The following FRMD4B variants were observed in gnomAD, a reference collection of about 807,000 sequenced individuals.
FRMD4B encodes FERM domain containing 4B.
A neutral mutation model predicts 141.5 loss-of-function variants in FRMD4B; 74 were observed. That is an observed-to-expected ratio of 0.52 (90% CI 0.43 to 0.63). The LOEUF (loss-of-function observed/expected upper bound fraction) is 0.63. FRMD4B is among the 30% of genes least tolerant of loss of function. The pLI is 0.00. For synonymous variants in FRMD4B, 506 were observed against 467.9 expected (o/e 1.08, Z -1.05); for missense variants, 1,366 against 1,253.4 (o/e 1.09, Z -1.36).
intron 1 of FRMD4B, among the ~76,000 whole-genome samples, chr3:69,521,234 A>G (rs1015263385): frequency 1.3e-5 from 2 of 152,164 alleles, no homozygotes; most frequent in Non-Finnish European, 2.9e-5. Flanking sequence ...CGACTGAGGA[A>G]GGTACTTTGA....
In FRMD4B at chr3:69,218,384, G is replaced by A. The variant is rs1261758241; in HGVS notation, c.732-5C>T. On this transcript the variant is annotated splice_region_variant and splice_polypyrimidine_tract_variant and intron_variant, in intron 9 of 22. Transcript: ENST00000398540. Reference sequence around the variant, plus strand: ...GCTTCTACTATTTTCATATACCTATGGAAAATAAATATGTATCACAATCTT... The same window carrying A: ...GCTTCTACTATTTTCATATACCTATAGAAAATAAATATGTATCACAATCTT... The A allele has an allele frequency of 7.5e-7, 1 of 1,335,008 alleles. No individual in the cohort carries two copies. The highest frequency in any genetic ancestry group is 2.3e-5 in the East Asian group (1 of 43,044). 82.7% of individuals were successfully genotyped at this position (1,335,008 alleles called of 1,614,324 possible). A position where few individuals can be genotyped will look rare whatever the true frequency, so the allele number is the denominator to read the frequency against.
intron 17 of FRMD4B, among the ~76,000 whole-genome samples, chr3:69,191,090 T>C (rs993771907): frequency 2.6e-5 from 4 of 152,216 alleles, no homozygotes; most frequent in African/African-American, 9.7e-5. Context: ...TGGTTGGCAA[T>C]GGCCATAACA....
At chr3:69,522,466 C>T (rs919769642) in intron 1 of FRMD4B, among the ~76,000 whole-genome samples, 5 of 152,122 alleles carry the variant, frequency 3.3e-5, no homozygotes, top group African/African-American at 1.2e-4. Flanking sequence ...TTGGTCAGAA[C>T]GCAGCCTCCT....
At chr3:69,248,959 A>C (rs1292867536) in intron 7 of FRMD4B, among the ~76,000 whole-genome samples, 2 of 152,196 alleles carry the variant, frequency 1.3e-5, no homozygotes, top group Non-Finnish European at 2.9e-5. Flanking sequence ...TCTTCATCTC[A>C]CTAATTAACA....
intron 17 of FRMD4B, among the ~76,000 whole-genome samples, chr3:69,193,420 A>G (rs1408367751): frequency 6.6e-6 from 1 of 152,188 alleles, no homozygotes; most frequent in East Asian, 1.9e-4. Flanking sequence ...AGGCAGGACA[A>G]TCACTTGAAC....
At chr3:69,523,494 C>G (rs1347268372) in intron 1 of FRMD4B, among the ~76,000 whole-genome samples, 2 of 152,032 alleles carry the variant, frequency 1.3e-5, no homozygotes, top group Non-Finnish European at 2.9e-5. Flanking sequence ...GAGCCCATGC[C>G]GTATGGTTTC....
At chr3:69,410,069 C>G (rs888007131) in intron 2 of FRMD4B, among the ~76,000 whole-genome samples, 3 of 152,196 alleles carry the variant, frequency 2.0e-5, no homozygotes, top group Non-Finnish European at 2.9e-5. Flanking sequence ...GCTCAGATTT[C>G]CTGACAACAA....
At position 69,385,951 on chromosome 3, in the gene FRMD4B, C is replaced by T; in HGVS notation, c.39G>A (p.Leu13=). ...TCCATACGAAGCGGCTGCCGCTGAA[C>T]AGCAGGTCCTCCACGCCACACATGA... ...SVFMCGVEDL[L]FSGSRFVWNL... Residue 13 remains leucine (L), a synonymous_variant, in exon 1 of 23, where the codon CTG becomes CTA. Coordinates refer to ENST00000398540, the MANE Select transcript of FRMD4B (RefSeq NM_015123.3). The T allele has an allele frequency of 6.2e-7, 1 of 1,605,336 alleles. No individual in the cohort carries two copies. The highest frequency in any genetic ancestry group is 8.5e-7 in the Non-Finnish European group (1 of 1,176,330).
intron 1 of FRMD4B, among the ~76,000 whole-genome samples, chr3:69,479,902 G>T (rs961682689): frequency 5.3e-5 from 8 of 151,642 alleles, no homozygotes; most frequent in Non-Finnish European, 4.4e-5. Flanking sequence ...GGCTTTGTTC[G>T]TTTCTTTTTA....
At chr3:69,368,938 G>C (rs1434233769) in intron 1 of FRMD4B, among the ~76,000 whole-genome samples, 1 of 152,200 alleles carries the variant, frequency 6.6e-6, no homozygotes, top group East Asian at 1.9e-4. Context: ...CGGGATTAAA[G>C]GCATGAGCCA....
At chr3:69,524,894 A>C (rs1473081286) in intron 1 of FRMD4B, among the ~76,000 whole-genome samples, 1 of 152,176 alleles carries the variant, frequency 6.6e-6, no homozygotes, top group Non-Finnish European at 1.5e-5. Context: ...TAAAAGTGGG[A>C]GAGGAAATGG....
At chr3:69,251,493 T>A (rs2093463309) in intron 5 of FRMD4B, among the ~76,000 whole-genome samples, 1 of 152,206 alleles carries the variant, frequency 6.6e-6, no homozygotes, top group African/African-American at 2.4e-5. Context: ...TAAAATAAAA[T>A]GAACAAATAA....
At chr3:69,199,878 G>A (rs778536692) in intron 11 of FRMD4B, among the ~76,000 whole-genome samples, 3 of 152,190 alleles carry the variant, frequency 2.0e-5, no homozygotes, top group Non-Finnish European at 4.4e-5. Context: ...TGCTTCCTAA[G>A]CTCTTTATAA....
intron 1 of FRMD4B, among the ~76,000 whole-genome samples, chr3:69,319,139 C>A (rs1412797600): frequency 6.6e-6 from 1 of 152,158 alleles, no homozygotes; most frequent in Non-Finnish European, 1.5e-5. Context: ...TCATTTTAAC[C>A]ACCAGGAAAT....
At chr3:69,428,514 AT>A (rs958358128) in intron 2 of FRMD4B, among the ~76,000 whole-genome samples, 2 of 151,146 alleles carry the variant, frequency 1.3e-5, no homozygotes, top group African/African-American at 2.4e-5. Flanking sequence ...AGGAAAATAG[AT>A]TTTTTTTCTT....
chr3:69,481,840 CA>C (rs1706129895), intron 1 of FRMD4B, among the ~76,000 whole-genome samples: 1 of 152,120 alleles, frequency 6.6e-6, no homozygotes, highest in Non-Finnish European at 1.5e-5. Flanking sequence ...TAGCAGTCAG[CA>C]GAAAAGAGGG....
At chr3:69,382,861 C>T (rs999681079) in intron 1 of FRMD4B, among the ~76,000 whole-genome samples, 1 of 151,820 alleles carries the variant, frequency 6.6e-6, no homozygotes, top group Admixed American at 6.6e-5. Context: ...AAAGCCAACA[C>T]ATCAGCAAGA....
chr3:69,250,375 A>T lies in FRMD4B; in HGVS notation c.502-276T>A, dbSNP rs2093456384. ...TGTAGAGAGCAGTATTCAGGAAGAA[A>T]CGGGAATGACTTTGAGGCTAAACAT... On this transcript the variant is annotated intron_variant, in intron 5 of 22. Coordinates refer to ENST00000398540, the MANE Select transcript of FRMD4B (RefSeq NM_015123.3). 1.4e-5 allele frequency: 4 copies of T among 279,420 alleles called. No individual in the cohort carries two copies. The South Asian group carries it at 4.3e-4, about 30-fold the overall frequency. The allele number at this position is 279,420 out of a possible 1,614,324, so 17.3% of individuals were successfully genotyped here.
At chr3:69,396,147 G>T (rs1268404507) in intron 2 of FRMD4B, among the ~76,000 whole-genome samples, 1 of 151,992 alleles carries the variant, frequency 6.6e-6, no homozygotes, top group African/African-American at 2.4e-5. Flanking sequence ...ATGAACTATT[G>T]ATCTAAGGGA....
Sources: allele counts gnomAD v4.1 joint callset (sites outside exome capture counted in the v4.1 genomes callset), GRCh38; gene constraint gnomAD v4.1.1; transcripts MANE v1.5; gene names NCBI Gene and HGNC (gene_info 2026-07-23, HGNC 2026-07-21).